Variants in EIF2AK1 observed in about 807,000 individuals in gnomAD.
EIF2AK1 encodes eukaryotic translation initiation factor 2 alpha kinase 1.
EIF2AK1 carries 54 observed loss-of-function variants against 77.9 expected under a neutral mutation model. That is an observed-to-expected ratio of 0.69 (90% CI 0.56 to 0.87). EIF2AK1 has a LOEUF of 0.87. EIF2AK1 is among the 40% of genes least tolerant of loss of function. The pLI is 0.00. For missense variants in EIF2AK1, 810 were observed against 768.6 expected (o/e 1.05, Z -0.64); for synonymous variants, 314 against 290.5 (o/e 1.08, Z -0.82).
At chr7:6,039,241 G>A (rs989652821) in intron 9 of EIF2AK1, among the ~76,000 whole-genome samples, 1 of 152,062 alleles carries the variant, frequency 6.6e-6, no homozygotes, top group Admixed American at 6.6e-5. Context: ...AAAATACAGA[G>A]AAATGAAATG....
chr7:6,045,403 G>A (rs1417703995), intron 6 of EIF2AK1, among the ~76,000 whole-genome samples: 1 of 152,110 alleles, frequency 6.6e-6, no homozygotes, highest in Admixed American at 6.6e-5. Flanking sequence ...ACTGCACCTG[G>A]CCAATATAAT....
chr7:6,024,442 G>C lies in EIF2AK1; in HGVS notation c.*231C>G. 6 of 1,385,796 alleles carry C rather than the reference G, an allele frequency of 4.3e-6. No individual in the cohort carries two copies. Among genetic ancestry groups the C allele is most frequent in the Non-Finnish European group, 5.6e-6 (6 of 1,073,274 alleles). 85.8% of individuals were successfully genotyped at this position (1,385,796 alleles called of 1,614,324 possible). A position where few individuals can be genotyped will look rare whatever the true frequency, so the allele number is the denominator to read the frequency against. ...AAAGGAGAAAATAATTGAGGATGAG[G>C]TCCAAGTTTTTAGTTTCAGAGACTA... is the stretch of plus-strand genomic sequence containing the variant. On this transcript the variant is annotated 3_prime_UTR_variant, in exon 15 of 15. Transcript: ENST00000199389.
At chr7:6,039,025 A>C (rs570376117) in intron 9 of EIF2AK1, among the ~76,000 whole-genome samples, 4 of 152,186 alleles carry the variant, frequency 2.6e-5, no homozygotes, top group Non-Finnish European at 5.9e-5. Context: ...CTACATAAAC[A>C]GTTTTTAAAG....
intron 9 of EIF2AK1, among the ~76,000 whole-genome samples, chr7:6,040,225 G>T (rs754926595): frequency 6.3e-4 from 96 of 152,110 alleles, no homozygotes; most frequent in Non-Finnish European, 1.2e-3. Context: ...GCTAATTTTT[G>T]TATTTTTAGT....
At chr7:6,025,738 G>C (rs1187237218) in intron 14 of EIF2AK1, among the ~76,000 whole-genome samples, 1 of 152,086 alleles carries the variant, frequency 6.6e-6, no homozygotes, top group Non-Finnish European at 1.5e-5. Context: ...CAGTTCAAGT[G>C]ACTGTCCTGC....
At chr7:6,028,105 G>C (rs1281868805) in intron 13 of EIF2AK1, 1 of 349,102 alleles carries the variant, frequency 2.9e-6, no homozygotes, top group Non-Finnish European at 5.7e-6. Context: ...GACATCTGTG[G>C]ATTTTGAAAT....
Position 6,023,751 on chromosome 7 carries a change from T to C in EIF2AK1, c.*922A>G, listed in dbSNP as rs1240990864. The C allele has an allele frequency of 2.5e-6, 4 of 1,612,520 alleles. No individual in the cohort carries two copies. In the East Asian group the frequency reaches 8.9e-5, roughly 36 times the overall value. ...AAGAATGGTGCTCTTTCATGCCTAT[T>C]ATCAGTAAGGGGACTTGTATTAGAG... On this transcript the variant is annotated 3_prime_UTR_variant, in exon 15 of 15. Coordinates refer to ENST00000199389, the MANE Select transcript of EIF2AK1 (RefSeq NM_014413.4).
rs189566504 is a variant in EIF2AK1, at chr7:6,041,768, G to A, written c.792-549C>T. On this transcript the variant is annotated intron_variant, in intron 8 of 14. Transcript: ENST00000199389. ...AGGCAGGAGAATCGCTTGAACCCGG[G>A]AGGAAGAGGTTACAGTAAGCCAAGA... is the stretch of plus-strand genomic sequence containing the variant. Among the ~76,000 whole-genome samples, 64 of 151,048 alleles carry A rather than the reference G, an allele frequency of 4.2e-4. No homozygotes were observed. In the East Asian group the frequency reaches 0.012, roughly 29 times the overall value.
At position 6,023,782 on chromosome 7, in the gene EIF2AK1, G is replaced by A; in HGVS notation, c.*891C>T. On this transcript the variant is annotated 3_prime_UTR_variant, in exon 15 of 15. Transcript: ENST00000199389. ...TAAGGGGACTTGTATTAGAGTCAGA[G>A]TCTTTTTATTTAGGCCAGTTGTCAA... 2.5e-6 allele frequency: 4 copies of A among 1,600,730 alleles called. No homozygotes were observed. The highest frequency in any genetic ancestry group is 3.4e-6 in the Non-Finnish European group (4 of 1,172,438).
chr7:6,031,451 G>A, intron 11 of EIF2AK1: 1 of 1,550,798 alleles, frequency 6.4e-7, no homozygotes, highest in Non-Finnish European at 8.7e-7. Flanking sequence ...TGGCCCATCT[G>A]CAGCACTTCA....
At chr7:6,049,547 C>G (rs567432285) in intron 3 of EIF2AK1, among the ~76,000 whole-genome samples, 1 of 151,422 alleles carries the variant, frequency 6.6e-6, no homozygotes, top group Non-Finnish European at 1.5e-5. Flanking sequence ...TGTCTCAAAA[C>G]GAAACAAAAC....
rs753104633 is a variant in EIF2AK1, at chr7:6,023,511, T to C, written c.*1162A>G. On this transcript the variant is annotated 3_prime_UTR_variant, in exon 15 of 15. Coordinates refer to ENST00000199389, the MANE Select transcript of EIF2AK1 (RefSeq NM_014413.4). ...CCGCTGTTTTCCGCTCCATGAACTC[T>C]GCTCTTGGGAAGAGCCCTTGGCTCG... 6.2e-7 allele frequency: 1 copy of C among 1,614,240 alleles called. No homozygotes were observed. Among genetic ancestry groups the C allele is most frequent in the Non-Finnish European group, 8.5e-7 (1 of 1,180,042 alleles).
At chr7:6,049,157 C>T (rs1457762625) in intron 3 of EIF2AK1, among the ~76,000 whole-genome samples, 47 of 152,084 alleles carry the variant, frequency 3.1e-4, no homozygotes, top group Admixed American at 2.9e-3. Context: ...TCAGTCCATT[C>T]GCAACACAGC....
chr7:6,028,430 T>G (rs1233358409), intron 13 of EIF2AK1, among the ~76,000 whole-genome samples, 185 bp downstream of exon 13: 1 of 152,208 alleles, frequency 6.6e-6, no homozygotes, highest in African/African-American at 2.4e-5. Context: ...TTTTGTATTT[T>G]TAGTAGAGAC....
Position 6,047,101 on chromosome 7 carries a change from A to G in EIF2AK1, c.450-10T>C, listed in dbSNP as rs766693706. On this transcript the variant is annotated splice_polypyrimidine_tract_variant and intron_variant, in intron 4 of 14. Transcript: ENST00000199389. ...GGCTACTTCCCTTGATCTGAAAGTT[A>G]AATACAAACAATCAATATTAAAACA... 49 of 1,602,094 alleles carry G rather than the reference A, an allele frequency of 3.1e-5. No homozygotes were observed. The South Asian group carries it at 4.6e-4, about 15-fold the overall frequency.
chr7:6,054,883 T>C (rs1357943947), intron 1 of EIF2AK1, among the ~76,000 whole-genome samples, 179 bp from the exon 2 acceptor site: 3 of 152,156 alleles, frequency 2.0e-5, no homozygotes, highest in Non-Finnish European at 4.4e-5. Context: ...AATTTGGAGC[T>C]GAATCCTGGA....
At chr7:6,043,107 T>C in intron 7 of EIF2AK1, 114 bp from the exon 8 acceptor site, 2 of 1,050,690 alleles carry the variant, frequency 1.9e-6, no homozygotes, top group South Asian at 2.9e-5. Context: ...TCTAAAAATG[T>C]CATGACCTTC....
In EIF2AK1 at chr7:6,032,174, T is replaced by C. The variant is rs1002309787; in HGVS notation, c.1333-3142A>G. Among the ~76,000 whole-genome samples, 1 of 152,188 alleles carries C rather than the reference T, an allele frequency of 6.6e-6. No individual in the cohort carries two copies. Among genetic ancestry groups the C allele is most frequent in the Non-Finnish European group, 1.5e-5 (1 of 68,032 alleles). On this transcript the variant is annotated intron_variant, in intron 11 of 14. Coordinates refer to ENST00000199389, the MANE Select transcript of EIF2AK1 (RefSeq NM_014413.4). This position sits in a 1 kb window ranked among gnomAD's most constrained non-coding sequence, Gnocchi z 4.3. The stretch of plus-strand genomic sequence containing the variant: ...CTGGATGACAGAGCAAGACTCCATC[T>C]CAAACAAACAAACAAAAAATAGTTT...
Position 6,024,274 on chromosome 7 carries a change from C to T in EIF2AK1, c.*399G>A. On this transcript the variant is annotated 3_prime_UTR_variant, in exon 15 of 15. Transcript: ENST00000199389. Reference sequence around the variant, plus strand: ...AACTTCAGCTGCAGTGTGAAAGGGGCAGGAAGACTGGCAGCTGTCAAAACT... The same window carrying T: ...AACTTCAGCTGCAGTGTGAAAGGGGTAGGAAGACTGGCAGCTGTCAAAACT... 1 of 1,210,370 alleles carries T rather than the reference C, an allele frequency of 8.3e-7. No homozygotes were observed. The highest frequency in any genetic ancestry group is 1.0e-6 in the Non-Finnish European group (1 of 956,392). 75.0% of individuals were successfully genotyped at this position (1,210,370 alleles called of 1,614,324 possible).
Sources: allele counts gnomAD v4.1 joint callset (sites outside exome capture counted in the v4.1 genomes callset), GRCh38; gene constraint gnomAD v4.1.1; non-coding constraint Gnocchi (gnomAD v3.1); transcripts MANE v1.5; gene names NCBI Gene and HGNC (gene_info 2026-07-23, HGNC 2026-07-21).